The following NPEPPS variants were observed in gnomAD, a reference collection of about 807,000 sequenced individuals.
NPEPPS encodes puromycin-sensitive aminopeptidase.
In NPEPPS, 14 loss-of-function variants were observed where a neutral mutation model predicts 115.5. The observed-to-expected ratio is 0.12, with a 90% CI of 0.08 to 0.19. The LOEUF (loss-of-function observed/expected upper bound fraction) is 0.19, where lower values mean the gene tolerates loss of function less well. NPEPPS is among the 10% of genes least tolerant of loss of function. The pLI is 1.00. For synonymous variants in NPEPPS, 285 were observed against 390.6 expected (o/e 0.73, Z 3.19); for missense variants, 523 against 1,110.8 (o/e 0.47, Z 7.52).
At chr17:47,577,610 ATT>A (rs949536072) in intron 3 of NPEPPS, among the ~76,000 whole-genome samples, 55 of 152,318 alleles carry the variant, frequency 3.6e-4, no homozygotes, top group Admixed American at 3.2e-3. Flanking sequence ...CTCTTTAGAT[ATT>A]TACAAACATC....
upstream of NPEPPS, among the ~76,000 whole-genome samples, chr17:47,529,937 TA>T (rs1315090704): frequency 3.9e-3 from 510 of 131,848 alleles, 5 homozygotes; most frequent in South Asian, 6.7e-3. Context: ...TTTATTTATT[TA>T]TTTATTTATT....
chr17:47,545,988 A>G lies in NPEPPS; in HGVS notation c.335A>G (p.Asp112Gly). The change falls in exon 2 of 23, where the codon GAT (aspartate) becomes GGT (glycine). Residue 112 changes from aspartate (D) to glycine (G), a missense_variant. By Grantham distance (94) the Asp-to-Gly change is moderately conservative. Coordinates refer to ENST00000322157, the MANE Select transcript of NPEPPS (RefSeq NM_006310.4). The part of the protein sequence containing the change: ...IITASYAPEG[D>G]EEIHATGFNY... ...ACAGCTTCATATGCACCAGAAGGAG[A>G]TGAAGGTAAGAGCTGTTTTCCATTT... The G allele has an allele frequency of 3.3e-6, 5 of 1,529,070 alleles. No individual in the cohort carries two copies. In the Middle Eastern group the frequency reaches 5.1e-4, roughly 157 times the overall value. The allele number at this position is 1,529,070 out of a possible 1,614,324, so 94.7% of individuals were successfully genotyped here.
chr17:47,556,827 A>G (rs545341925), intron 2 of NPEPPS, among the ~76,000 whole-genome samples: 27 of 152,326 alleles, frequency 1.8e-4, no homozygotes, highest in African/African-American at 6.5e-4. Context: ...TATTTTTAGT[A>G]GAGATGGGGT....
At chr17:47,589,186 A>G (rs528336233) in intron 9 of NPEPPS, among the ~76,000 whole-genome samples, 28 of 152,064 alleles carry the variant, frequency 1.8e-4, no homozygotes, top group Middle Eastern at 6.8e-3. Context: ...GGCTCAAGCA[A>G]TCCTCCCACC....
intron 12 of NPEPPS, chr17:47,592,750 T>C: frequency 2.0e-6 from 1 of 492,134 alleles, no homozygotes; most frequent in Middle Eastern, 5.2e-4. Context: ...ACTTTTTCTT[T>C]CCTTTCTTTC....
intron 17 of NPEPPS, among the ~76,000 whole-genome samples, chr17:47,607,951 C>G (rs1331400634): frequency 6.6e-6 from 1 of 152,082 alleles, no homozygotes; most frequent in East Asian, 1.9e-4. Context: ...TTCAAGCTAT[C>G]CTCCCACCTC....
intron 3 of NPEPPS, among the ~76,000 whole-genome samples, chr17:47,571,253 G>A (rs1911173198): frequency 6.6e-6 from 1 of 152,224 alleles, no homozygotes; most frequent in South Asian, 2.1e-4. Flanking sequence ...ATGTCTGGGT[G>A]TTGACATAAT....
At chr17:47,541,624 C>G (rs1229344870) in intron 1 of NPEPPS, among the ~76,000 whole-genome samples, 1 of 152,202 alleles carries the variant, frequency 6.6e-6, no homozygotes, top group Non-Finnish European at 1.5e-5. Flanking sequence ...ATCCACCCAC[C>G]TTGGCCTCCC....
intron 2 of NPEPPS, among the ~76,000 whole-genome samples, chr17:47,560,486 A>G (rs1910357039): frequency 1.3e-5 from 2 of 152,220 alleles, no homozygotes; most frequent in Non-Finnish European, 2.9e-5. Flanking sequence ...ATTTGAAAAT[A>G]TGGGACCTGT....
rs1391079111 is a variant in NPEPPS at position 47,621,879 on chromosome 17, C to A, written c.2719C>A (p.Gln907Lys). The A allele has an allele frequency of 6.2e-7, 1 of 1,613,734 alleles. No homozygotes were observed. The highest frequency in any genetic ancestry group is 2.2e-5 in the East Asian group (1 of 44,880). The change falls in exon 23 of 23, where the codon CAG becomes AAG. Residue 907 changes from glutamine (Q) to lysine (K), a missense_variant. Physicochemically the swap from Gln to Lys is moderately conservative, Grantham distance 53. Coordinates refer to ENST00000322157, the MANE Select transcript of NPEPPS (RefSeq NM_006310.4). ...AAAGCGAGATGCTGAGAGCATCCAC[C>A]AGTACCTCCTTCAGCGGAAGGCCTC... Reference protein sequence around the residue: ...WLKRDAESIHQYLLQRKASPP... With the variant: ...WLKRDAESIHKYLLQRKASPP...
chr17:47,556,625 C>T (rs1910054498), intron 2 of NPEPPS, among the ~76,000 whole-genome samples: 1 of 152,132 alleles, frequency 6.6e-6, no homozygotes, highest in African/African-American at 2.4e-5. Context: ...GGCGGCCGGG[C>T]AGAGGGGCTC....
intron 3 of NPEPPS, chr17:47,577,269 C>G: frequency 2.5e-6 from 1 of 404,246 alleles, no homozygotes; most frequent in Non-Finnish European, 4.8e-6. Flanking sequence ...TAAAAAACAT[C>G]TTAACAGTTG....
intron 13 of NPEPPS, among the ~76,000 whole-genome samples, chr17:47,599,327 T>C (rs1913050687): frequency 6.6e-6 from 1 of 152,214 alleles, no homozygotes; most frequent in Non-Finnish European, 1.5e-5. Context: ...AGTAAGTTTA[T>C]CCATGAAACT....
chr17:47,550,184 T>C (rs1271228613), intron 2 of NPEPPS, among the ~76,000 whole-genome samples: 8 of 152,014 alleles, frequency 5.3e-5, no homozygotes, highest in South Asian at 2.1e-4. Context: ...CTGCCCGCCT[T>C]GGCCTCCCGA....
At position 47,606,275 on chromosome 17, in the gene NPEPPS, A is replaced by T. The variant is rs149658893; in HGVS notation, c.2095+723A>T. Among the ~76,000 whole-genome samples the T allele has an allele frequency of 3.3e-5, 5 of 152,294 alleles. No homozygotes were observed. In the East Asian group the frequency reaches 9.6e-4, roughly 29 times the overall value. ...TGTGTTCTCTGCTCTGATTATTTCT[A>T]TAAGCATATATTTACTCTTTTTGCT... is the stretch of plus-strand genomic sequence containing the variant. On this transcript the variant is annotated intron_variant, in intron 17 of 22. Coordinates refer to ENST00000322157, the MANE Select transcript of NPEPPS (RefSeq NM_006310.4).
chr17:47,594,591 T>TTTATGTTACGTTATGTTATG (rs1912731533), intron 12 of NPEPPS, among the ~76,000 whole-genome samples: 1 of 138,294 alleles, frequency 7.2e-6, no homozygotes, highest in African/African-American at 2.8e-5. Flanking sequence ...TGTATTTTAT[T>TTTATGTTACGTTATGTTATG]TTATGTTATG....
intron 2 of NPEPPS, among the ~76,000 whole-genome samples, chr17:47,563,342 T>A (rs1910572085): frequency 6.6e-6 from 1 of 152,122 alleles, no homozygotes; most frequent in Non-Finnish European, 1.5e-5. Flanking sequence ...TGGTCATGGT[T>A]TTATACATGC....
At chr17:47,575,580 AATTATTATTATT>A (rs10646632) in intron 3 of NPEPPS, among the ~76,000 whole-genome samples, 32 of 144,082 alleles carry the variant, frequency 2.2e-4, no homozygotes, top group South Asian at 1.3e-3. Flanking sequence ...GACAATATTG[AATTATTATTATT>A]ATTATTATTA....
intron 17 of NPEPPS, among the ~76,000 whole-genome samples, chr17:47,611,938 G>A (rs1431981669): frequency 6.6e-6 from 1 of 152,062 alleles, no homozygotes; most frequent in Non-Finnish European, 1.5e-5. Context: ...GTATGAATTG[G>A]TATCTCATTG....
Sources: gnomAD v4.1 joint callset for allele counts (sites outside exome capture counted in the v4.1 genomes callset) on GRCh38, gnomAD v4.1.1 for gene constraint, MANE v1.5 for transcripts, NCBI Gene and HGNC (gene_info 2026-07-23, HGNC 2026-07-21) for gene names.